NKAIN3: variants seen among roughly 807,000 people sequenced by gnomAD.
NKAIN3 encodes the protein sodium/potassium transporting ATPase interacting 3.
In NKAIN3, 25 loss-of-function variants were observed where a neutral mutation model predicts 30.2. That is an observed-to-expected ratio of 0.83 (90% CI 0.60 to 1.16). The LOEUF (loss-of-function observed/expected upper bound fraction) is 1.16. Ranked by LOEUF, NKAIN3 falls within the 50% of genes most tolerant of loss-of-function variation. NKAIN3 has a pLI of 0.00. For synonymous variants in NKAIN3, 91 were observed against 89.6 expected (o/e 1.02, Z -0.09); for missense variants, 225 against 254.1 (o/e 0.89, Z 0.78).
At chr8:62,760,913 G>C (rs1200133677) in intron 4 of NKAIN3, among the ~76,000 whole-genome samples, 1 of 152,018 alleles carries the variant, frequency 6.6e-6, no homozygotes, top group Non-Finnish European at 1.5e-5. Context: ...CAAATCCTGG[G>C]GTACAGGAAG....
At chr8:62,682,483 G>A (rs776404282) in intron 3 of NKAIN3, among the ~76,000 whole-genome samples, 6 of 152,148 alleles carry the variant, frequency 3.9e-5, no homozygotes, top group South Asian at 4.1e-4. Flanking sequence ...TGGACAGAAC[G>A]TGGGGGAGGG....
Position 62,471,531 on chromosome 8 carries a change from T to C in NKAIN3, c.55-108008T>C, listed in dbSNP as rs147454525. Among the ~76,000 whole-genome samples the C allele has an allele frequency of 5.2e-4, 79 of 152,310 alleles. No homozygotes were observed. In the East Asian group the frequency reaches 0.012, roughly 23 times the overall value. The stretch of plus-strand genomic sequence containing the variant: ...TTAGAATTACTGATACAATGCCTTA[T>C]ATGCAAACACTCAGCTGTCTCCTGT... On this transcript the variant is annotated intron_variant, in intron 1 of 6. Transcript: ENST00000623646.
In NKAIN3 at chr8:62,773,641, T is replaced by A. The variant is rs1032805888; in HGVS notation, c.471+26512T>A. Among the ~76,000 whole-genome samples, 11 of 152,210 alleles carry A rather than the reference T, an allele frequency of 7.2e-5. No homozygotes were observed. The East Asian group carries it at 1.9e-3, about 27-fold the overall frequency. ...GCAGATCTTTCCTGTGCTGTTCTCA[T>A]GATAGTGAATAAGTCTCACGAGATC... On this transcript the variant is annotated intron_variant, in intron 4 of 6. Coordinates refer to ENST00000623646, the MANE Select transcript of NKAIN3 (RefSeq NM_001304533.3).
chr8:62,645,700 TC>T (rs1413688524), intron 3 of NKAIN3, among the ~76,000 whole-genome samples: 1 of 152,134 alleles, frequency 6.6e-6, no homozygotes, highest in African/African-American at 2.4e-5. Context: ...GTAAAGGGCA[TC>T]ATTACTGCTG....
intron 3 of NKAIN3, among the ~76,000 whole-genome samples, chr8:62,643,513 G>A (rs996613943): frequency 2.0e-5 from 3 of 152,108 alleles, no homozygotes; most frequent in Non-Finnish European, 4.4e-5. Context: ...CCTGCCCTCT[G>A]ATCATGCTGG....
intron 3 of NKAIN3, among the ~76,000 whole-genome samples, chr8:62,744,181 CA>C: frequency 6.6e-6 from 1 of 152,192 alleles, no homozygotes; most frequent in East Asian, 1.9e-4. Context: ...CCTTCATGTT[CA>C]AAGTACTCAG....
chr8:62,257,026 A>C (rs1021329221), intron 1 of NKAIN3, among the ~76,000 whole-genome samples: 1 of 152,202 alleles, frequency 6.6e-6, no homozygotes, highest in South Asian at 2.1e-4. Context: ...GTTTTGATAT[A>C]TGCATAAAAT....
At chr8:62,840,446 A>G (rs1586255572) in intron 4 of NKAIN3, among the ~76,000 whole-genome samples, 1 of 148,980 alleles carries the variant, frequency 6.7e-6, no homozygotes, top group Admixed American at 6.7e-5. Context: ...AAACAATCAG[A>G]GAGAAATTGA....
chr8:62,691,412 G>A (rs1463779082), intron 3 of NKAIN3, among the ~76,000 whole-genome samples: 2 of 152,060 alleles, frequency 1.3e-5, no homozygotes, highest in African/African-American at 4.8e-5. Flanking sequence ...GAGGCTGAGC[G>A]CTAGGGTGGC....
intron 1 of NKAIN3, among the ~76,000 whole-genome samples, chr8:62,315,149 T>C (rs1814573407): frequency 6.6e-6 from 1 of 152,220 alleles, no homozygotes; most frequent in South Asian, 2.1e-4. Flanking sequence ...GCACATTATC[T>C]AAGTTACAGC....
intron 3 of NKAIN3, among the ~76,000 whole-genome samples, chr8:62,702,591 T>C (rs966765218): frequency 1.3e-5 from 2 of 152,146 alleles, no homozygotes; most frequent in Non-Finnish European, 2.9e-5. Context: ...TAAACATCGT[T>C]TATGTGGTTT....
intron 1 of NKAIN3, among the ~76,000 whole-genome samples, chr8:62,472,283 G>A (rs575928110): frequency 2.0e-5 from 3 of 152,154 alleles, no homozygotes; most frequent in African/African-American, 7.2e-5. Context: ...GAAAACCAGA[G>A]CAGAAGATCC....
At chr8:62,322,717 A>T (rs1262227125) in intron 1 of NKAIN3, among the ~76,000 whole-genome samples, 1 of 152,178 alleles carries the variant, frequency 6.6e-6, no homozygotes, top group African/African-American at 2.4e-5. Flanking sequence ...GAAGTTGCTT[A>T]AGCTATTTAA....
At chr8:62,766,845 C>T (rs140295507) in intron 4 of NKAIN3, among the ~76,000 whole-genome samples, 1 of 152,272 alleles carries the variant, frequency 6.6e-6, no homozygotes, top group Non-Finnish European at 1.5e-5. Context: ...AAACCTATGA[C>T]ATTCCAGGAT....
At chr8:62,316,615 T>A (rs1703665392) in intron 1 of NKAIN3, among the ~76,000 whole-genome samples, 1 of 152,190 alleles carries the variant, frequency 6.6e-6, no homozygotes, top group Non-Finnish European at 1.5e-5. Flanking sequence ...AACTCATCAT[T>A]TTTTATGGCT....
intron 1 of NKAIN3, among the ~76,000 whole-genome samples, chr8:62,353,559 CTA>C (rs1048912993): frequency 9.9e-5 from 15 of 152,234 alleles, no homozygotes; most frequent in Middle Eastern, 3.4e-3. Context: ...GAAATTAAAA[CTA>C]TGAGATATAG....
intron 4 of NKAIN3, among the ~76,000 whole-genome samples, chr8:62,787,503 T>A (rs1817560273): frequency 6.6e-6 from 1 of 152,148 alleles, no homozygotes; most frequent in Non-Finnish European, 1.5e-5. Flanking sequence ...AAAACTCAGT[T>A]AATAAATACT....
chr8:62,290,038 CTG>C (rs1003343278), intron 1 of NKAIN3, among the ~76,000 whole-genome samples: 6 of 152,060 alleles, frequency 3.9e-5, no homozygotes, highest in African/African-American at 1.2e-4. Flanking sequence ...ATTTGGCTCT[CTG>C]TTTGTCTGTT....
chr8:62,945,586 T>C (rs1159512795), intron 5 of NKAIN3, among the ~76,000 whole-genome samples: 1 of 152,150 alleles, frequency 6.6e-6, no homozygotes, highest in African/African-American at 2.4e-5. Flanking sequence ...AGAAGCAAGG[T>C]CCAGAATGGC....
Sources: gnomAD v4.1 joint callset for allele counts (sites outside exome capture counted in the v4.1 genomes callset) on GRCh38, gnomAD v4.1.1 for gene constraint, MANE v1.5 for transcripts, NCBI Gene and HGNC (gene_info 2026-07-23, HGNC 2026-07-21) for gene names.